Variants in DIP2C observed in about 807,000 individuals in gnomAD.
The protein encoded by DIP2C is disco-interacting protein 2 homolog C.
Under a neutral mutation model 192.4 loss-of-function variants are expected in DIP2C, and 33 were observed. The ratio of observed to expected loss-of-function variants is 0.17; its 90% CI spans 0.13 to 0.23. The LOEUF (loss-of-function observed/expected upper bound fraction) is 0.23, where lower values mean the gene tolerates loss of function less well. Ranked by LOEUF, DIP2C falls within the 10% of genes least tolerant of loss-of-function variation. DIP2C has a pLI of 1.00. For missense variants in DIP2C, 1,537 were observed against 2,110.1 expected (o/e 0.73, Z 5.32); for synonymous variants, 979 against 864.1 (o/e 1.13, Z -2.33).
At chr10:479,395 G>A (rs10444201) in intron 2 of DIP2C, among the ~76,000 whole-genome samples, 4 of 143,384 alleles carry the variant, frequency 2.8e-5, no homozygotes, top group Admixed American at 7.2e-5. Flanking sequence ...GAGCAATGGC[G>A]CAATCTCCAC....
At chr10:310,606 G>C (rs567130461) in intron 31 of DIP2C, among the ~76,000 whole-genome samples, 1 of 152,348 alleles carries the variant, frequency 6.6e-6, no homozygotes, top group African/African-American at 2.4e-5. Flanking sequence ...TCTGGCCTGA[G>C]GAGGGCATTT....
intron 17 of DIP2C, among the ~76,000 whole-genome samples, chr10:378,952 C>CT (rs769899760): frequency 2.0e-5 from 3 of 152,262 alleles, no homozygotes; most frequent in Non-Finnish European, 4.4e-5. Context: ...GCCCTTGTCC[C>CT]TTCAAAGTCT....
rs373515464 is a variant in DIP2C at position 390,721 on chromosome 10, C to A, written c.1384+19G>T. ...CAAAGGACGTGGGCATGCGAGCTCT[C>A]GGAGGCTCGGTGGCTTACCTTTAAA... On this transcript the variant is annotated intron_variant, in intron 11 of 36. Transcript: ENST00000280886. 1.6e-5 allele frequency: 26 copies of A among 1,609,010 alleles called. No individual in the cohort carries two copies. The highest frequency in any genetic ancestry group is 2.2e-5 in the Non-Finnish European group (26 of 1,177,826).
intron 1 of DIP2C, among the ~76,000 whole-genome samples, chr10:581,078 T>C (rs1352750673): frequency 6.6e-6 from 1 of 152,184 alleles, no homozygotes; most frequent in East Asian, 1.9e-4. Flanking sequence ...ACCAAGCCCT[T>C]CAGGGTCAGC....
chr10:646,753 T>C (rs1855475368), intron 1 of DIP2C, among the ~76,000 whole-genome samples: 1 of 152,248 alleles, frequency 6.6e-6, no homozygotes, highest in Admixed American at 6.5e-5. Flanking sequence ...TGTTAGGCTG[T>C]CAAATTATTT....
At chr10:607,038 T>TGTGTCCC (rs1852541607) in intron 1 of DIP2C, among the ~76,000 whole-genome samples, 2 of 152,206 alleles carry the variant, frequency 1.3e-5, no homozygotes, top group African/African-American at 4.8e-5. Flanking sequence ...AAGACCGATC[T>TGTGTCCC]GTGTCCCGTG....
At chr10:563,427 A>C (rs913032370) in intron 1 of DIP2C, among the ~76,000 whole-genome samples, 1 of 152,238 alleles carries the variant, frequency 6.6e-6, no homozygotes, top group Non-Finnish European at 1.5e-5. Context: ...AGAATTTACC[A>C]AACTAGGTGA....
chr10:562,229 C>T (rs913708823), intron 1 of DIP2C, among the ~76,000 whole-genome samples: 3 of 152,188 alleles, frequency 2.0e-5, no homozygotes, highest in East Asian at 1.9e-4. Flanking sequence ...AGAGGATCCA[C>T]GTCAAAGGAT....
At chr10:622,035 A>G (rs1240937108) in intron 1 of DIP2C, among the ~76,000 whole-genome samples, 1 of 151,430 alleles carries the variant, frequency 6.6e-6, no homozygotes, top group Non-Finnish European at 1.5e-5. Context: ...AAATACACAA[A>G]ATCACAGGAC....
intron 3 of DIP2C, among the ~76,000 whole-genome samples, chr10:464,705 A>C (rs529682573): frequency 6.6e-6 from 1 of 152,354 alleles, no homozygotes; most frequent in East Asian, 1.9e-4. Flanking sequence ...CACTGTTCAC[A>C]ATAGCAAAAA....
intron 1 of DIP2C, chr10:662,264 A>G: frequency 4.9e-6 from 3 of 612,758 alleles, no homozygotes; most frequent in East Asian, 2.7e-5. Context: ...TGTATGAGGT[A>G]CCTATGCACT....
At chr10:495,745 G>A (rs919436945) in intron 1 of DIP2C, among the ~76,000 whole-genome samples, 6 of 146,440 alleles carry the variant, frequency 4.1e-5, no homozygotes, top group African/African-American at 1.5e-4. Flanking sequence ...TCTCTTACTC[G>A]CAATACCCCA....
chr10:395,826 T>A (rs1023131293), intron 10 of DIP2C, among the ~76,000 whole-genome samples: 1 of 152,164 alleles, frequency 6.6e-6, no homozygotes, highest in Non-Finnish European at 1.5e-5. Context: ...CCTCATCACA[T>A]GCACAGGTTA....
chr10:301,779 C>G (rs987893615), intron 32 of DIP2C, among the ~76,000 whole-genome samples: 1 of 152,192 alleles, frequency 6.6e-6, no homozygotes, highest in Non-Finnish European at 1.5e-5. Context: ...CATGACTGCT[C>G]TCCTTTCACA....
At chr10:303,521 CT>C (rs201941178) in intron 32 of DIP2C, among the ~76,000 whole-genome samples, 7,418 of 147,994 alleles carry the variant, frequency 0.05, 295 homozygotes, top group African/African-American at 0.12. Context: ...AAGTTTTTTA[CT>C]TTTTTTTTTT....
At chr10:430,135 C>T (rs926637688) in intron 4 of DIP2C, 5 of 152,226 alleles carry the variant, frequency 3.3e-5, no homozygotes, top group African/African-American at 9.7e-5. Flanking sequence ...TTCTCTATGA[C>T]ATATGATGTG....
chr10:617,412 T>C (rs1251008356), intron 1 of DIP2C, among the ~76,000 whole-genome samples: 1 of 152,180 alleles, frequency 6.6e-6, no homozygotes, highest in Non-Finnish European at 1.5e-5. Flanking sequence ...CCAGGGTGGC[T>C]GTGGAGACTG....
At chr10:283,250 G>A (rs202195587) in intron 35 of DIP2C, 22 bp downstream of exon 35, 43 of 1,584,138 alleles carry the variant, frequency 2.7e-5, no homozygotes, top group African/African-American at 1.8e-4. Flanking sequence ...GTTGGGGGGG[G>A]GCCGCCAGCC....
intron 1 of DIP2C, among the ~76,000 whole-genome samples, chr10:595,524 T>A (rs1024973402): frequency 7.2e-5 from 11 of 152,130 alleles, no homozygotes; most frequent in Non-Finnish European, 1.5e-4. Flanking sequence ...AGAACAAACA[T>A]CAATATCCCA....
Sources: gnomAD v4.1 joint callset for allele counts (sites outside exome capture counted in the v4.1 genomes callset) on GRCh38, gnomAD v4.1.1 for gene constraint, MANE v1.5 for transcripts, NCBI Gene and HGNC (gene_info 2026-07-23, HGNC 2026-07-21) for gene names.